Variants in SLC16A9 observed in about 807,000 individuals in gnomAD.
SLC16A9 encodes solute carrier family 16 member 9, also known as monocarboxylate transporter 9.
In SLC16A9, 26 loss-of-function variants were observed where a neutral mutation model predicts 44.3. The ratio of observed to expected loss-of-function variants is 0.59; its 90% CI spans 0.43 to 0.81. The LOEUF is 0.81. Ranked by LOEUF, SLC16A9 falls within the 40% of genes least tolerant of loss-of-function variation. SLC16A9 has a pLI of 0.00. For missense variants in SLC16A9, 559 were observed against 595.8 expected (o/e 0.94, Z 0.64); for synonymous variants, 230 against 225.1 (o/e 1.02, Z -0.19).
At position 59,653,799 on chromosome 10, in the gene SLC16A9, A is replaced by G. The variant is rs1349133171; in HGVS notation, c.1227T>C (p.Thr409=). The stretch of plus-strand genomic sequence containing the variant: ...CATATGGAAAGATGGACCAATTACC[A>G]GTAAGAAACCCTAGGATCCCAGAAA... ...ALLSGILGFL[T]GNWSIFPYVT... is the part of the protein sequence containing the mutation. The change falls in exon 5 of 6, where the codon ACT becomes ACC. Residue 409 remains threonine (T), a synonymous_variant. Coordinates refer to ENST00000395348, the MANE Select transcript of SLC16A9 (RefSeq NM_194298.3). 1.2e-6 allele frequency: 2 copies of G among 1,614,198 alleles called. No homozygotes were observed. The highest frequency in any genetic ancestry group is 1.1e-5 in the South Asian group (1 of 91,082).
chr10:59,668,740 C>G lies in SLC16A9; in HGVS notation c.340+4030G>C, dbSNP rs1400516711. Reference sequence around the variant, plus strand: ...AAAAAAAATCCATTATATTGGTATACTTTTTTCATTTTTCACCTGAGTATT... The same window carrying G: ...AAAAAAAATCCATTATATTGGTATAGTTTTTTCATTTTTCACCTGAGTATT... On this transcript the variant is annotated intron_variant, in intron 3 of 5. Coordinates refer to ENST00000395348, the MANE Select transcript of SLC16A9 (RefSeq NM_194298.3). Among the ~76,000 whole-genome samples the G allele has an allele frequency of 3.9e-5, 6 of 152,070 alleles. No homozygotes were observed. In the East Asian group the frequency reaches 1.2e-3, roughly 29 times the overall value.
rs1193938555 is a variant in SLC16A9 at position 59,684,161 on chromosome 10, A to G, written c.131T>C (p.Phe44Ser). The change falls in exon 2 of 6, where the codon TTT becomes TCT. Residue 44 changes from phenylalanine (F) to serine (S), a missense_variant. Transcript: ENST00000395348. ...GVLYIEWLDA[F>S]GEGKGKTAWV... ...GGCTGTTTTTCCTTTTCCTTCACCAAAGGCATCCAGCCATTCTATGTACAG... is the reference window on the plus strand; with the variant it reads ...GGCTGTTTTTCCTTTTCCTTCACCAGAGGCATCCAGCCATTCTATGTACAG... The G allele has an allele frequency of 2.5e-6, 4 of 1,614,092 alleles. No individual in the cohort carries two copies. The highest frequency in any genetic ancestry group is 3.4e-6 in the Non-Finnish European group (4 of 1,179,976).
At chr10:59,675,091 C>A (rs796121607) in intron 2 of SLC16A9, among the ~76,000 whole-genome samples, 4 of 152,198 alleles carry the variant, frequency 2.6e-5, no homozygotes, top group Middle Eastern at 3.4e-3. Context: ...TTTCACATTG[C>A]CATCTGCTGC....
rs1333785621 is a variant in SLC16A9, at chr10:59,651,453, C to G, written c.*1319G>C. 1.3e-5 allele frequency: 2 copies of G among 152,054 alleles called. No individual in the cohort carries two copies. Among genetic ancestry groups the G allele is most frequent in the African/African-American group, 4.8e-5 (2 of 41,394 alleles). The allele number at this position is 152,054 out of a possible 1,614,324, so 9.4% of individuals were successfully genotyped here. A position where few individuals can be genotyped will look rare whatever the true frequency, so the allele number is the denominator to read the frequency against. On this transcript the variant is annotated 3_prime_UTR_variant, in exon 6 of 6. Coordinates refer to ENST00000395348, the MANE Select transcript of SLC16A9 (RefSeq NM_194298.3). ...TGCCAATCTTATAAAAATTCTCAAT[C>G]CAGGCTGTGTTATCAGAATCACTTG...
At chr10:59,679,089 A>G (rs1236185939) in intron 2 of SLC16A9, among the ~76,000 whole-genome samples, 1 of 152,166 alleles carries the variant, frequency 6.6e-6, no homozygotes, top group Non-Finnish European at 1.5e-5. Context: ...AGTGAAGACA[A>G]AAGGGAGAGG....
chr10:59,680,305 A>T (rs537857309), intron 2 of SLC16A9, among the ~76,000 whole-genome samples: 1 of 152,334 alleles, frequency 6.6e-6, no homozygotes, highest in South Asian at 2.1e-4. Flanking sequence ...GTCTTTTCAC[A>T]GTTGTAATAT....
chr10:59,674,505 T>C (rs1839818450), intron 2 of SLC16A9, among the ~76,000 whole-genome samples: 1 of 152,212 alleles, frequency 6.6e-6, no homozygotes, highest in South Asian at 2.1e-4. Flanking sequence ...AAATATTCTG[T>C]GCCAGTATTT....
chr10:59,661,878 A>G (rs1205609584), intron 4 of SLC16A9, among the ~76,000 whole-genome samples: 1 of 152,260 alleles, frequency 6.6e-6, no homozygotes. Context: ...AAAACAAGCA[A>G]TGGGGAAAGG....
At chr10:59,670,952 G>A (rs12268837) in intron 3 of SLC16A9, among the ~76,000 whole-genome samples, 9 of 152,132 alleles carry the variant, frequency 5.9e-5, no homozygotes, top group African/African-American at 9.6e-5. Context: ...CAATAATTAC[G>A]GTGGTGAGAG....
chr10:59,652,424 C>T lies in SLC16A9; in HGVS notation c.*348G>A, dbSNP rs572609249. ...AGGAGCAGTCTCTCTAGGTGCCTTGCAGTGGATTAAATGGAGTCGGCAGAG... is the reference window on the plus strand; with the variant it reads ...AGGAGCAGTCTCTCTAGGTGCCTTGTAGTGGATTAAATGGAGTCGGCAGAG... On this transcript the variant is annotated 3_prime_UTR_variant, in exon 6 of 6. Coordinates refer to ENST00000395348, the MANE Select transcript of SLC16A9 (RefSeq NM_194298.3). 1.0e-4 allele frequency: 17 copies of T among 165,372 alleles called. No individual in the cohort carries two copies. Among genetic ancestry groups the T allele is most frequent in the Non-Finnish European group, 2.1e-4 (16 of 77,196 alleles). The allele number at this position is 165,372 out of a possible 1,614,324, so 10.2% of individuals were successfully genotyped here.
chr10:59,653,965 G>C lies in SLC16A9; in HGVS notation c.1061C>G (p.Ala354Gly), dbSNP rs771989378. The change falls in exon 5 of 6, where the codon GCA becomes GGA. Residue 354 changes from alanine (A) to glycine (G), a missense_variant. Physicochemically the swap from Ala to Gly is moderately conservative, Grantham distance 60. Coordinates refer to ENST00000395348, the MANE Select transcript of SLC16A9 (RefSeq NM_194298.3). ...PLISIIGIMT[A>G]VGKLLLGILA... ...TATCCCTAAAAGCAGTTTACCAACTGCTGTCATAATGCCTATAATGGAAAT... is the reference window on the plus strand; with the variant it reads ...TATCCCTAAAAGCAGTTTACCAACTCCTGTCATAATGCCTATAATGGAAAT... 5 of 1,613,912 alleles carry C rather than the reference G, an allele frequency of 3.1e-6. No individual in the cohort carries two copies. The Middle Eastern group carries it at 4.9e-4, about 160-fold the overall frequency.
intron 4 of SLC16A9, among the ~76,000 whole-genome samples, chr10:59,655,019 T>G (rs1307245265): frequency 6.6e-6 from 1 of 152,132 alleles, no homozygotes; most frequent in Admixed American, 6.5e-5. Context: ...CGGCTGGGTG[T>G]GGTGGCTCAG....
At chr10:59,699,745 T>A (rs1319829709) in intron 1 of SLC16A9, among the ~76,000 whole-genome samples, 1 of 152,066 alleles carries the variant, frequency 6.6e-6, no homozygotes, top group Non-Finnish European at 1.5e-5. Flanking sequence ...AGTTATTTTA[T>A]CCTCATATAG....
At chr10:59,669,995 A>G (rs1839709258) in intron 3 of SLC16A9, among the ~76,000 whole-genome samples, 1 of 152,200 alleles carries the variant, frequency 6.6e-6, no homozygotes, top group South Asian at 2.1e-4. Context: ...AATCAATTAA[A>G]TGGTAAAACA....
At chr10:59,697,002 G>A (rs1171631) in intron 1 of SLC16A9, among the ~76,000 whole-genome samples, 4,439 of 88,390 alleles carry the variant, frequency 0.05, 441 homozygotes, top group East Asian at 0.24. Context: ...CCCCCCGCCC[G>A]GCCAGCCGCC....
At chr10:59,684,024 A>C in intron 2 of SLC16A9, 72 bp downstream of exon 2, 1 of 1,292,650 alleles carries the variant, frequency 7.7e-7, no homozygotes, top group Non-Finnish European at 1.1e-6. Flanking sequence ...TCTGCCTTGC[A>C]CAATGTTCAT....
chr10:59,677,096 A>G (rs932321983), intron 2 of SLC16A9, among the ~76,000 whole-genome samples: 2 of 71,358 alleles, frequency 2.8e-5, no homozygotes, highest in Non-Finnish European at 5.4e-5. Context: ...CATTTCCTCT[A>G]TCATTGCCTT....
intron 1 of SLC16A9, among the ~76,000 whole-genome samples, chr10:59,686,764 A>C (rs185891870): frequency 6.6e-6 from 1 of 152,232 alleles, no homozygotes; most frequent in Admixed American, 6.5e-5. Context: ...ATATGTCTTA[A>C]ATTTTTATAC....
chr10:59,664,715 T>C (rs182472645), intron 3 of SLC16A9, among the ~76,000 whole-genome samples: 1 of 152,312 alleles, frequency 6.6e-6, no homozygotes, highest in Admixed American at 6.5e-5. Flanking sequence ...GTGTTCTTCC[T>C]CTTCTAAGTC....
Sources: gnomAD v4.1 joint callset for allele counts (sites outside exome capture counted in the v4.1 genomes callset) on GRCh38, gnomAD v4.1.1 for gene constraint, MANE v1.5 for transcripts, NCBI Gene and HGNC (gene_info 2026-07-23, HGNC 2026-07-21) for gene names.